Variants in IGF2 observed in about 807,000 individuals in gnomAD.
IGF2 encodes insulin-like growth factor 2.
Under a neutral mutation model 12.0 loss-of-function variants are expected in IGF2, and 2 were observed. That is an observed-to-expected ratio of 0.17 (90% CI 0.07 to 0.52). The LOEUF (loss-of-function observed/expected upper bound fraction) is 0.52, where lower values mean the gene tolerates loss of function less well. IGF2 is among the 20% of genes least tolerant of loss of function. The pLI, the probability that IGF2 is intolerant of heterozygous loss-of-function variation, is 0.95. For synonymous variants in IGF2, 105 were observed against 110.1 expected, an observed-to-expected ratio of 0.95 and a Z score of 0.29; for missense variants, 211 against 268.0, an observed-to-expected ratio of 0.79 and a Z score of 1.48.
rs561506861 is a variant in IGF2 at position 2,130,233 on chromosome 11, C to T, written c.*2754G>A. On this transcript the variant is annotated 3_prime_UTR_variant, in exon 4 of 4. Transcript: ENST00000416167. ...CCCTCCTGTGGCCTCCGAGCACCCT[C>T]CTGACACCTGAGGAGACCCTGCCCA... The T allele has an allele frequency of 4.3e-6, 1 of 231,294 alleles. No individual in the cohort carries two copies. The highest frequency in any genetic ancestry group is 6.1e-5 in the East Asian group (1 of 16,408). The allele number at this position is 231,294 out of a possible 1,614,324, so 14.3% of individuals were successfully genotyped here.
chr11:2,135,352 C>T lies in IGF2; in HGVS notation c.157+15G>A, dbSNP rs750225912. ...GGCCTGACCAGGTCTGAGGAAGCCCCTCCCAGCTACTTACTGAAGTAGAAG... is the reference window on the plus strand; with the variant it reads ...GGCCTGACCAGGTCTGAGGAAGCCCTTCCCAGCTACTTACTGAAGTAGAAG... On this transcript the variant is annotated intron_variant, in intron 2 of 3. Coordinates refer to ENST00000416167, the MANE Select transcript of IGF2 (RefSeq NM_000612.6). 7.5e-6 allele frequency: 12 copies of T among 1,599,246 alleles called. No individual in the cohort carries two copies. The highest frequency in any genetic ancestry group is 1.0e-5 in the Non-Finnish European group (12 of 1,172,684).
upstream of IGF2, chr11:2,140,266 C>T (rs1859470500): frequency 1.2e-6 from 2 of 1,612,976 alleles, no homozygotes; most frequent in East Asian, 4.5e-5. Context: ...TCGGGGGCCA[C>T]CACGATAATT....
Position 2,138,714 on chromosome 11 carries a change from G to T in IGF2, c.-492C>A. 9.1e-6 allele frequency: 3 copies of T among 330,874 alleles called. No individual in the cohort carries two copies. Among genetic ancestry groups the T allele is most frequent in the Non-Finnish European group, 1.2e-5 (3 of 245,002 alleles). The allele number at this position is 330,874 out of a possible 1,614,324, so 20.5% of individuals were successfully genotyped here. A position where few individuals can be genotyped will look rare whatever the true frequency, so the allele number is the denominator to read the frequency against. On this transcript the variant is annotated 5_prime_UTR_variant, in exon 1 of 4. Coordinates refer to ENST00000416167, the MANE Select transcript of IGF2 (RefSeq NM_000612.6). ...AGAGGGCGGGCGTGAGGGGGGGAGGGAGTCGGAGGCTAGGAGCTGGGGGGG... is the reference window on the plus strand; with the variant it reads ...AGAGGGCGGGCGTGAGGGGGGGAGGTAGTCGGAGGCTAGGAGCTGGGGGGG...
intron 1 of IGF2, among the ~76,000 whole-genome samples, chr11:2,136,074 G>A (rs1311529010): frequency 1.3e-5 from 2 of 152,124 alleles, no homozygotes; most frequent in Non-Finnish European, 2.9e-5. Flanking sequence ...CGCCCTCAAA[G>A]CAGCAGGCCA....
At position 2,133,062 on chromosome 11, in the gene IGF2, AC is replaced by A; in HGVS notation, c.467del (p.Arg156LeufsTer3). 6.2e-7 allele frequency: 1 copy of A among 1,604,324 alleles called. No homozygotes were observed. Among genetic ancestry groups the A allele is most frequent in the East Asian group, 2.3e-5 (1 of 44,426 alleles). Reference protein sequence around the residue: ...LEAFREAKRHRPLIALPTQDP... With the variant: ...LEAFREAKRHXPLIALPTQDP... ...CTTGGGTGGGTAGAGCAATCAGGGGACGGTGACGTTTGGCCTCCCTGAACGC... is the reference window on the plus strand; with the variant it reads ...CTTGGGTGGGTAGAGCAATCAGGGGAGGTGACGTTTGGCCTCCCTGAACGC... On this transcript the variant is annotated frameshift_variant, in exon 4 of 4. Transcript: ENST00000416167. LOFTEE classifies it high-confidence loss of function. This position sits in a 1 kb window ranked among gnomAD's most constrained non-coding sequence, Gnocchi z 8.9.
chr11:2,134,317 C>T (rs541936322), intron 2 of IGF2: 195 of 358,488 alleles, frequency 5.4e-4, no homozygotes, highest in African/African-American at 4.0e-3. Context: ...AGCCCCATCA[C>T]GGGGGTCCCC....
rs1858467697 is a variant in IGF2 at position 2,130,531 on chromosome 11, G to GA, written c.*2455_*2456insT. The GA allele has an allele frequency of 9.1e-6, 2 of 220,430 alleles. No homozygotes were observed. 13.7% of individuals were successfully genotyped at this position (220,430 alleles called of 1,614,324 possible). ...TTGTCACTGCCCCCCTGTTACATGG[G>GA]GGGGGGGTTTAATTTGGTTTCTGAG... On this transcript the variant is annotated 3_prime_UTR_variant, in exon 4 of 4. Coordinates refer to ENST00000416167, the MANE Select transcript of IGF2 (RefSeq NM_000612.6).
intron 2 of IGF2, among the ~76,000 whole-genome samples, chr11:2,134,811 G>A (rs950054885): frequency 2.0e-5 from 3 of 152,322 alleles, no homozygotes; most frequent in Admixed American, 6.5e-5. Context: ...AGGCTGAAGC[G>A]TCCTTGAGGT....
rs1264137044 is a variant in IGF2, at chr11:2,131,802, CTG to C, written c.*1183_*1184del. On this transcript the variant is annotated 3_prime_UTR_variant, in exon 4 of 4. Coordinates refer to ENST00000416167, the MANE Select transcript of IGF2 (RefSeq NM_000612.6). The stretch of plus-strand genomic sequence containing the variant: ...TGTGTGCTGTGTGCTAGTGTGTGTG[CTG>C]TGTGTGCATGTGTGTGCGTGTGCTG... 3 of 120,994 alleles carry C rather than the reference CTG, an allele frequency of 2.5e-5. No individual in the cohort carries two copies. Among genetic ancestry groups the C allele is most frequent in the Admixed American group, 1.2e-4 (1 of 8,066 alleles). 7.5% of individuals were successfully genotyped at this position (120,994 alleles called of 1,614,324 possible). A position where few individuals can be genotyped will look rare whatever the true frequency, so the allele number is the denominator to read the frequency against.
chr11:2,133,487 G>A lies in IGF2; in HGVS notation c.306+30C>T. The A allele has an allele frequency of 6.3e-7, 1 of 1,598,778 alleles. No individual in the cohort carries two copies. The highest frequency in any genetic ancestry group is 8.5e-7 in the Non-Finnish European group (1 of 1,173,036). On this transcript the variant is annotated intron_variant, in intron 3 of 3. Coordinates refer to ENST00000416167, the MANE Select transcript of IGF2 (RefSeq NM_000612.6). The surrounding 1 kb of genome is among the most constrained non-coding windows in gnomAD (Gnocchi z 8.9). ...CCGAAGCCCTATTTCTCTGTCTCTA[G>A]AGAGTGGGAAAGGGGCCCAGGACCC...
chr11:2,138,071 C>T (rs1859212088), intron 1 of IGF2, among the ~76,000 whole-genome samples, 158 bp downstream of exon 1: 1 of 151,730 alleles, frequency 6.6e-6, no homozygotes, highest in African/African-American at 2.4e-5. Flanking sequence ...CGCAGCCGTC[C>T]GTCCTCCTCC....
At chr11:2,138,101 C>T in intron 1 of IGF2, 128 bp downstream of exon 1, 1 of 452,456 alleles carries the variant, frequency 2.2e-6, no homozygotes. Context: ...TCCTCCCCCC[C>T]GGGCTCAGCC....
upstream of IGF2, chr11:2,140,627 C>T (rs1189517254): frequency 1.9e-6 from 1 of 523,508 alleles, no homozygotes; most frequent in Non-Finnish European, 3.6e-6. Context: ...GCTTTCCCCA[C>T]AAATGAGATC....
chr11:2,145,391 C>A (rs1377212600), upstream of IGF2, among the ~76,000 whole-genome samples: 1 of 152,230 alleles, frequency 6.6e-6, no homozygotes, highest in Non-Finnish European at 1.5e-5. Context: ...AAAACCAGGG[C>A]CCCCAGGGCC....
chr11:2,129,851 G>T lies in IGF2; in HGVS notation c.*3136C>A. ...ACCTCCCAGAGGCCGAGTCCCTGCC[G>T]CAGCCCTAGGCGCCGCGGTGGTGGC... is the stretch of plus-strand genomic sequence containing the variant. On this transcript the variant is annotated 3_prime_UTR_variant, in exon 4 of 4. Transcript: ENST00000416167. The surrounding 1 kb of genome is among the most constrained non-coding windows in gnomAD (Gnocchi z 8.1). The T allele has an allele frequency of 4.3e-6, 1 of 231,958 alleles. No individual in the cohort carries two copies. The allele number at this position is 231,958 out of a possible 1,614,324, so 14.4% of individuals were successfully genotyped here. A position where few individuals can be genotyped will look rare whatever the true frequency, so the allele number is the denominator to read the frequency against.
rs1858562728 is a variant in IGF2 at position 2,131,602 on chromosome 11, CGT to C, written c.*1383_*1384del. 1 of 147,460 alleles carries C rather than the reference CGT, an allele frequency of 6.8e-6. No homozygotes were observed. The highest frequency in any genetic ancestry group is 1.3e-5 in the Non-Finnish European group (1 of 76,658). 9.1% of individuals were successfully genotyped at this position (147,460 alleles called of 1,614,324 possible). On this transcript the variant is annotated 3_prime_UTR_variant, in exon 4 of 4. Coordinates refer to ENST00000416167, the MANE Select transcript of IGF2 (RefSeq NM_000612.6). ...GCTGTGTTCATGTGTGCTGTGCATG[CGT>C]GTGTGCTGTGTGTGCATGTGTGTGC...
At chr11:2,147,909 G>C in the IGF2 span, 1 of 928,780 alleles carries the variant, frequency 1.1e-6, no homozygotes, top group Admixed American at 4.3e-5. The surrounding 1 kb of genome is among the most constrained non-coding windows in gnomAD (Gnocchi z 7.2). Context: ...CCCCCTCCCC[G>C]GGTTCCTTCA....
chr11:2,134,300 G>A (rs1389451765), intron 2 of IGF2: 1 of 375,882 alleles, frequency 2.7e-6, no homozygotes, highest in Non-Finnish European at 5.2e-6. Flanking sequence ...CCGGAGGAGG[G>A]AGCAGGAGCC....
chr11:2,131,968 A>ATGTGTGTGCG lies in IGF2; in HGVS notation c.*1009_*1018dup, dbSNP rs1177650751. The ATGTGTGTGCG allele has an allele frequency of 1.0e-5, 1 of 97,022 alleles. No individual in the cohort carries two copies. Among genetic ancestry groups the ATGTGTGTGCG allele is most frequent in the Non-Finnish European group, 1.9e-5 (1 of 53,692 alleles). 6.0% of individuals were successfully genotyped at this position (97,022 alleles called of 1,614,324 possible). ...CCGTGCGTTTGTGTGCTGTGTGTGC[A>ATGTGTGTGCG]TGTGTGTGCGTGTGTGTGCTGTGCG... is the stretch of plus-strand genomic sequence containing the variant. On this transcript the variant is annotated 3_prime_UTR_variant, in exon 4 of 4. Transcript: ENST00000416167.
Sources: allele counts gnomAD v4.1 joint callset (sites outside exome capture counted in the v4.1 genomes callset), GRCh38; gene constraint gnomAD v4.1.1; non-coding constraint Gnocchi (gnomAD v3.1); transcripts MANE v1.5; gene names NCBI Gene and HGNC (gene_info 2026-07-23, HGNC 2026-07-21).